The following WNT11 variants were observed in gnomAD, a reference collection of about 807,000 sequenced individuals.
WNT11 encodes protein Wnt-11.
A neutral mutation model predicts 35.6 loss-of-function variants in WNT11; 20 were observed. The observed-to-expected ratio is 0.56, with a 90% CI of 0.40 to 0.82. The LOEUF (loss-of-function observed/expected upper bound fraction) is 0.82. WNT11 is among the 40% of genes least tolerant of loss of function. WNT11 has a pLI of 0.00. For synonymous variants in WNT11, 200 were observed against 211.9 expected, an observed-to-expected ratio of 0.94 and a Z score of 0.49; for missense variants, 459 against 504.4, an observed-to-expected ratio of 0.91 and a Z score of 0.86.
At chr11:76,189,661 G>A (rs561935883) in intron 4 of WNT11, among the ~76,000 whole-genome samples, 11 of 152,186 alleles carry the variant, frequency 7.2e-5, no homozygotes, top group African/African-American at 2.7e-4. Context: ...CCTCCTCTAG[G>A]AAGCCTTCCT....
intron 1 of WNT11, among the ~76,000 whole-genome samples, chr11:76,199,875 G>A (rs1464857249): frequency 6.6e-6 from 1 of 152,164 alleles, no homozygotes; most frequent in African/African-American, 2.4e-5. Context: ...CAGACGGAGT[G>A]AGAAGGCCTG....
chr11:76,209,819 G>A (rs1953533470), upstream of WNT11, among the ~76,000 whole-genome samples: 2 of 150,788 alleles, frequency 1.3e-5, no homozygotes, highest in African/African-American at 4.9e-5. Context: ...GAGGCGTGGA[G>A]CTCGTGCGCG....
chr11:76,201,317 G>A (rs1020375811), intron 1 of WNT11, among the ~76,000 whole-genome samples: 1 of 152,234 alleles, frequency 6.6e-6, no homozygotes. Flanking sequence ...GCCCACAGGG[G>A]CTGCAGGCAG....
At chr11:76,199,374 A>G (rs1953338883) in intron 1 of WNT11, among the ~76,000 whole-genome samples, 1 of 151,912 alleles carries the variant, frequency 6.6e-6, no homozygotes, top group Admixed American at 6.6e-5. Flanking sequence ...AGTCTGAACT[A>G]CTTGAGAGGA....
At position 76,204,418 on chromosome 11, in the gene WNT11, C is replaced by T. The variant is rs80148783; in HGVS notation, c.83+1907G>A. ...TCCAGGTCTCCCCGCATGCGCTGTT[C>T]GGCCTCCAGGCTTCTGCTCGTGCTG... On this transcript the variant is annotated intron_variant, in intron 1 of 4. Transcript: ENST00000322563. Among the ~76,000 whole-genome samples the T allele has an allele frequency of 5.4e-3, 822 of 152,292 alleles. 4 individuals carry two copies. The highest frequency in any genetic ancestry group is 0.017 in the African/African-American group (708 of 41,550).
rs1276062285 is a variant in WNT11 at position 76,194,669 on chromosome 11, G to A, written c.495C>T (p.Leu165=). 1 of 1,550,622 alleles carries A rather than the reference G, an allele frequency of 6.4e-7. No homozygotes were observed. The highest frequency in any genetic ancestry group is 8.7e-7 in the Non-Finnish European group (1 of 1,146,970). ...CATCGGAAAACTTGGCCCCCATGAG[G>A]AGCCCGTAGCTGAGGTTGTCCGCAC... ...GGCADNLSYG[L]LMGAKFSDAP... The change falls in exon 3 of 5, where the codon CTC becomes CTT. Residue 165 remains leucine (L), a synonymous_variant. Transcript: ENST00000322563. The surrounding 1 kb of genome is among the most constrained non-coding windows in gnomAD (Gnocchi z 5.4).
At chr11:76,206,638 G>A (rs1054642766), upstream of WNT11, 3 of 935,224 alleles carry the variant, frequency 3.2e-6, no homozygotes, top group African/African-American at 3.5e-5. Context: ...CCCGGCCGGG[G>A]GACGCGTCCC....
chr11:76,208,432 C>T (rs938297884), upstream of WNT11, among the ~76,000 whole-genome samples: 3 of 152,206 alleles, frequency 2.0e-5, no homozygotes, highest in Non-Finnish European at 2.9e-5. Flanking sequence ...CCAGTCCCGT[C>T]CTCCCACCCA....
upstream of WNT11, among the ~76,000 whole-genome samples, chr11:76,209,376 C>A (rs1341973218): frequency 3.9e-5 from 4 of 102,750 alleles, no homozygotes; most frequent in Non-Finnish European, 7.9e-5. Context: ...GAAAGCCGGC[C>A]GCTGGGACCA....
At chr11:76,208,501 G>A (rs1473921314), upstream of WNT11, among the ~76,000 whole-genome samples, 1 of 152,186 alleles carries the variant, frequency 6.6e-6, no homozygotes, top group East Asian at 1.9e-4. Flanking sequence ...TTCTCAGAAC[G>A]AGAAAAATAT....
intron 1 of WNT11, among the ~76,000 whole-genome samples, chr11:76,201,618 G>A (rs535951294): frequency 3.3e-5 from 5 of 152,258 alleles, no homozygotes; most frequent in East Asian, 3.9e-4. Context: ...GGGCCCTACC[G>A]GGGTGGCAAG....
chr11:76,194,744 G>A lies in WNT11; in HGVS notation c.420C>T (p.Cys140=), dbSNP rs1302273449. The change falls in exon 3 of 5, where the codon TGC becomes TGT. Residue 140 remains cysteine, a synonymous_variant. Coordinates refer to ENST00000322563, the MANE Select transcript of WNT11 (RefSeq NM_004626.3). The surrounding 1 kb of genome is among the most constrained non-coding windows in gnomAD (Gnocchi z 5.4). The stretch of plus-strand genomic sequence containing the variant: ...CGGGTGGCTCACCTGGGACGGGGCC[G>A]CAGGAGCAGCCGGGCAGGTCGCCGG... The part of the protein sequence containing the change: ...CTSGDLPGCS[C]GPVPGEPPGP... 12 of 1,551,468 alleles carry A rather than the reference G, an allele frequency of 7.7e-6. No homozygotes were observed. The highest frequency in any genetic ancestry group is 4.9e-5 in the East Asian group (2 of 41,168).
At chr11:76,210,633 G>T (rs1227110347), upstream of WNT11, 4 of 985,160 alleles carry the variant, frequency 4.1e-6, no homozygotes, top group African/African-American at 7.0e-5. Flanking sequence ...GGGGATCCTG[G>T]CAAGCTGCGG....
At chr11:76,192,174 T>G (rs376493077) in intron 3 of WNT11, among the ~76,000 whole-genome samples, 3 of 152,036 alleles carry the variant, frequency 2.0e-5, no homozygotes, top group African/African-American at 7.2e-5. Context: ...TATCCTTACT[T>G]CCCCCATTTT....
In WNT11 at chr11:76,195,182, A is replaced by G. The variant is rs143853487; in HGVS notation, c.320-338T>C. 1.7e-3 allele frequency: 564 copies of G among 341,048 alleles called. 4 individuals are homozygous for G. In the East Asian group the frequency reaches 0.023, roughly 14 times the overall value. The allele number at this position is 341,048 out of a possible 1,614,324, so 21.1% of individuals were successfully genotyped here. A position where few individuals can be genotyped will look rare whatever the true frequency, so the allele number is the denominator to read the frequency against. On this transcript the variant is annotated intron_variant, in intron 2 of 4. Transcript: ENST00000322563. ...GCTCTGAGCTCCTGATGCGCCAGAC[A>G]AATGCACAAAGGACCTGCTATGCGT... is the stretch of plus-strand genomic sequence containing the variant.
At chr11:76,192,775 TA>T (rs971663478) in intron 3 of WNT11, among the ~76,000 whole-genome samples, 2 of 152,218 alleles carry the variant, frequency 1.3e-5, no homozygotes, top group African/African-American at 4.8e-5. Flanking sequence ...GGGCAGAAGT[TA>T]GATGCCTTCT....
In WNT11 at chr11:76,191,705, C is replaced by T. The variant is rs528803907; in HGVS notation, c.749G>A (p.Arg250Gln). ...CAGGTGCTTGCGGGTGCCCATGGGT[C>T]GGTGCACTACCTTGGTGGCCGACAG... Reference protein sequence around the residue: ...RYLSATKVVHRPMGTRKHLVP... With the variant: ...RYLSATKVVHQPMGTRKHLVP... Residue 250 changes from arginine (R) to glutamine (Q), a missense_variant, in exon 4 of 5, where the codon CGA becomes CAA. By Grantham distance (43) the Arg-to-Gln change is conservative (BLOSUM62 1). Coordinates refer to ENST00000322563, the MANE Select transcript of WNT11 (RefSeq NM_004626.3). 2.0e-5 allele frequency: 33 copies of T among 1,613,880 alleles called. No homozygotes were observed. The highest frequency in any genetic ancestry group is 8.9e-5 in the East Asian group (4 of 44,880).
intron 1 of WNT11, among the ~76,000 whole-genome samples, chr11:76,201,216 G>A (rs930221945): frequency 1.3e-5 from 2 of 152,212 alleles, no homozygotes; most frequent in African/African-American, 4.8e-5. Flanking sequence ...AGGCCCTGGT[G>A]GGCCCAGAGC....
intron 4 of WNT11, among the ~76,000 whole-genome samples, chr11:76,190,071 G>A (rs982436445): frequency 4.0e-5 from 6 of 151,808 alleles, no homozygotes; most frequent in Middle Eastern, 3.4e-3. Flanking sequence ...GAGACTGCCC[G>A]GGAGGGGAGG....
Sources: allele counts gnomAD v4.1 joint callset (sites outside exome capture counted in the v4.1 genomes callset), GRCh38; gene constraint gnomAD v4.1.1; non-coding constraint Gnocchi (gnomAD v3.1); transcripts MANE v1.5; gene names NCBI Gene and HGNC (gene_info 2026-07-23, HGNC 2026-07-21).